The following ACSL4 variants were observed in gnomAD, a reference collection of about 807,000 sequenced individuals.
ACSL4 encodes long-chain-fatty-acid--CoA ligase 4.
In ACSL4, 9 loss-of-function variants were observed where a neutral mutation model predicts 49.1. The observed-to-expected ratio is 0.18, with a 90% CI of 0.11 to 0.32. The LOEUF (loss-of-function observed/expected upper bound fraction) is 0.32. ACSL4 is among the 10% of genes least tolerant of loss of function. The pLI is 1.00. For missense variants in ACSL4, 333 were observed against 493.7 expected (o/e 0.67, Z 3.08); for synonymous variants, 191 against 170.3 (o/e 1.12, Z -0.95).
intron 2 of ACSL4, among the ~76,000 whole-genome samples, chrX:109,686,209 C>G (rs887844082): frequency 8.0e-5 from 9 of 111,925 alleles, no homozygotes; most frequent in African/African-American, 2.9e-4. Flanking sequence ...ACCACTCAAT[C>G]TGATACATGA....
Position 109,641,410 on chromosome X carries a change from A to C in ACSL4, c.*2619T>G, listed in dbSNP as rs1934443038. On this transcript the variant is annotated 3_prime_UTR_variant, in exon 16 of 16. Coordinates refer to ENST00000672401, the MANE Select transcript of ACSL4 (RefSeq NM_001318510.2). ...ACAAGAACAAACAAAGCTTTTCATC[A>C]AGAATAAACACAAAATCTAAACAAT... is the stretch of plus-strand genomic sequence containing the variant. The C allele has an allele frequency of 8.8e-6, 1 of 113,366 alleles. No individual in the cohort carries two copies. Among genetic ancestry groups the C allele is most frequent in the African/African-American group, 3.2e-5 (1 of 31,167 alleles). 9.3% of individuals were successfully genotyped at this position (113,366 alleles called of 1,213,427 possible). A position where few individuals can be genotyped will look rare whatever the true frequency, so the allele number is the denominator to read the frequency against.
intron 9 of ACSL4, among the ~76,000 whole-genome samples, chrX:109,673,012 G>C (rs746410646): frequency 9.0e-6 from 1 of 111,454 alleles, no homozygotes; most frequent in African/African-American, 3.3e-5. Context: ...CTGGTAATTC[G>C]TGCACAGAAC....
intron 15 of ACSL4, among the ~76,000 whole-genome samples, chrX:109,652,070 A>G (rs867358703): frequency 1.8e-5 from 2 of 111,613 alleles, no homozygotes; most frequent in South Asian, 7.5e-4. Context: ...GCAAATAGCA[A>G]TTTTCATAGC....
At chrX:109,716,320 C>A (rs1365801447) in intron 1 of ACSL4, among the ~76,000 whole-genome samples, 1 of 112,164 alleles carries the variant, frequency 8.9e-6, no homozygotes. Flanking sequence ...ATAATAGTTA[C>A]CCTCTGGAAT....
At chrX:109,663,106 G>T in intron 13 of ACSL4, 105 bp downstream of exon 13, 1 of 745,379 alleles carries the variant, frequency 1.3e-6, no homozygotes, top group South Asian at 2.8e-5. Context: ...TCCAAAGTTT[G>T]AACTAATGGA....
intron 4 of ACSL4, among the ~76,000 whole-genome samples, chrX:109,681,707 C>T (rs1924176574): frequency 8.9e-6 from 1 of 112,208 alleles, no homozygotes; most frequent in Admixed American, 9.5e-5. Flanking sequence ...CAGACTGGCC[C>T]AGCTAGGGCT....
intron 10 of ACSL4, among the ~76,000 whole-genome samples, chrX:109,668,628 T>A (rs1169068231): frequency 8.9e-6 from 1 of 111,960 alleles, no homozygotes; most frequent in Non-Finnish European, 1.9e-5. Flanking sequence ...CTCCTCAGCA[T>A]CACATTTAAA....
chrX:109,669,763 A>C (rs188325408), intron 9 of ACSL4, among the ~76,000 whole-genome samples: 26 of 112,652 alleles, frequency 2.3e-4, no homozygotes, highest in African/African-American at 8.1e-4. Flanking sequence ...AGAAAAAAAA[A>C]TTAATCTCTG....
chrX:109,668,895 A>C, intron 10 of ACSL4, 139 bp downstream of exon 10: 1 of 489,493 alleles, frequency 2.0e-6, no homozygotes. Flanking sequence ...AAGACTTAGA[A>C]TAAAAGAGAA....
chrX:109,666,648 C>T (rs912626953), intron 11 of ACSL4, among the ~76,000 whole-genome samples: 1 of 111,666 alleles, frequency 9.0e-6, no homozygotes, highest in Non-Finnish European at 1.9e-5. Context: ...GGCGCAGTGG[C>T]TCCCGCCTGT....
At chrX:109,703,893 C>T (rs1334052754) in intron 1 of ACSL4, among the ~76,000 whole-genome samples, 1 of 110,207 alleles carries the variant, frequency 9.1e-6, no homozygotes, top group African/African-American at 3.3e-5. Flanking sequence ...GATTGCACCA[C>T]TGCAGAGCGA....
rs748303211 is a variant in ACSL4, at chrX:109,694,257, A to G, written c.-13+1887T>C. ...TTATACTTGGAAATCAAAAATAGTTATTAGCACATAAGAACTACTATATCT... is the reference window on the plus strand; with the variant it reads ...TTATACTTGGAAATCAAAAATAGTTGTTAGCACATAAGAACTACTATATCT... On this transcript the variant is annotated intron_variant, in intron 2 of 15. Transcript: ENST00000672401. 4.5e-5 allele frequency among the ~76,000 whole-genome samples: 5 copies of G among 112,267 alleles called. No homozygotes were observed. In the South Asian group the frequency reaches 1.5e-3, roughly 33 times the overall value.
chrX:109,709,664 T>C (rs1266242174), intron 1 of ACSL4, among the ~76,000 whole-genome samples: 1 of 112,646 alleles, frequency 8.9e-6, no homozygotes, highest in Non-Finnish European at 1.9e-5. Context: ...ACAATTCCAG[T>C]ATAATAATAC....
intron 1 of ACSL4, among the ~76,000 whole-genome samples, chrX:109,700,554 A>G (rs1346747136): frequency 9.2e-6 from 1 of 108,455 alleles, no homozygotes; most frequent in Non-Finnish European, 1.9e-5. Flanking sequence ...AAAAAAAAAA[A>G]GAATATATGT....
intron 15 of ACSL4, among the ~76,000 whole-genome samples, chrX:109,646,374 C>A (rs1034667198): frequency 3.6e-5 from 4 of 111,547 alleles, no homozygotes; most frequent in South Asian, 7.6e-4. Context: ...ATACAACATT[C>A]TTAAAGAAAA....
At chrX:109,699,357 A>G (rs1412017339) in intron 1 of ACSL4, among the ~76,000 whole-genome samples, 1 of 112,546 alleles carries the variant, frequency 8.9e-6, no homozygotes, top group Non-Finnish European at 1.9e-5. Flanking sequence ...CTCAAAAACA[A>G]AAAGAAAAAC....
intron 2 of ACSL4, among the ~76,000 whole-genome samples, chrX:109,684,250 T>C (rs1007861075): frequency 1.8e-5 from 2 of 112,575 alleles, no homozygotes; most frequent in Non-Finnish European, 3.8e-5. Flanking sequence ...AGCAATACAA[T>C]TGTAAAATCA....
chrX:109,692,589 T>G (rs753405607), intron 2 of ACSL4, among the ~76,000 whole-genome samples: 5 of 111,859 alleles, frequency 4.5e-5, no homozygotes, highest in Non-Finnish European at 7.5e-5. Flanking sequence ...AATGGTTCAT[T>G]GCTGTAGAAG....
intron 1 of ACSL4, among the ~76,000 whole-genome samples, chrX:109,712,256 G>T (rs1926801540): frequency 9.0e-6 from 1 of 111,433 alleles, no homozygotes; most frequent in Non-Finnish European, 1.9e-5. Context: ...TCGCCATCAT[G>T]CCTGGTTCAT....
Sources: allele counts gnomAD v4.1 joint callset (sites outside exome capture counted in the v4.1 genomes callset), GRCh38; gene constraint gnomAD v4.1.1; transcripts MANE v1.5; gene names NCBI Gene and HGNC (gene_info 2026-07-23, HGNC 2026-07-21).